The following ZC4H2 variants were observed in gnomAD, a reference collection of about 807,000 sequenced individuals.
ZC4H2 encodes the protein zinc finger C4H2 domain-containing protein.
For missense variants in ZC4H2, 137 were observed against 173.9 expected, an observed-to-expected ratio of 0.79 and a Z score of 1.19; for synonymous variants, 84 against 66.3, an observed-to-expected ratio of 1.27 and a Z score of -1.30.
chrX:64,954,190 A>T (rs1451610396), intron 1 of ZC4H2, among the ~76,000 whole-genome samples: 1 of 102,824 alleles, frequency 9.7e-6, no homozygotes, highest in Non-Finnish European at 2.0e-5. Flanking sequence ...AATTGGGGAG[A>T]TATAGCATTA....
intron 1 of ZC4H2, among the ~76,000 whole-genome samples, chrX:65,022,515 G>A (rs1184531712): frequency 8.9e-6 from 1 of 111,936 alleles, no homozygotes; most frequent in Non-Finnish European, 1.9e-5. Context: ...AGGTATTGAT[G>A]CAATGCATCT....
chrX:64,956,958 C>G (rs1569216036), intron 1 of ZC4H2, among the ~76,000 whole-genome samples: 1 of 112,211 alleles, frequency 8.9e-6, no homozygotes, highest in Non-Finnish European at 1.9e-5. Flanking sequence ...GTCAACATCT[C>G]AAAATTGAGA....
Position 64,936,440 on chromosome X carries a change from T to G in ZC4H2, c.54-14452A>C, listed in dbSNP as rs747542144. 2.7e-5 allele frequency among the ~76,000 whole-genome samples: 3 copies of G among 110,783 alleles called. No individual in the cohort carries two copies. The East Asian group carries it at 8.6e-4, about 32-fold the overall frequency. The stretch of plus-strand genomic sequence containing the variant: ...ACAGAGAACACCTCAAAGATACTCC[T>G]TGAGAAGAGCAACCCCAAGACATAT... On this transcript the variant is annotated intron_variant, in intron 1 of 4. Transcript: ENST00000374839.
intron 1 of ZC4H2, among the ~76,000 whole-genome samples, chrX:64,924,738 C>T (rs1218483913): frequency 2.7e-5 from 3 of 110,559 alleles, no homozygotes; most frequent in Non-Finnish European, 5.7e-5. Flanking sequence ...GAGTAATGGC[C>T]CCACAGAAGA....
intron 1 of ZC4H2, among the ~76,000 whole-genome samples, chrX:64,952,852 C>A (rs897488976): frequency 1.8e-5 from 2 of 111,040 alleles, no homozygotes; most frequent in South Asian, 3.9e-4. Context: ...AAAAAAGAGC[C>A]CTCATTGCCA....
In ZC4H2 at chrX:64,955,972, A is replaced by G. The variant is rs1169958321; in HGVS notation, c.53+20353T>C. ...ATTATGAGGAGGCCTTTACTCTTCT[A>G]GAGGACATCATTTGTTAGATCTTTC... On this transcript the variant is annotated intron_variant, in intron 1 of 4. Transcript: ENST00000374839. Among the ~76,000 whole-genome samples the G allele has an allele frequency of 3.6e-5, 4 of 111,865 alleles. 1 individual carries two copies. Among genetic ancestry groups the G allele is most frequent in the Non-Finnish European group, 7.5e-5 (4 of 53,177 alleles).
At chrX:64,958,453 C>T (rs752310487) in intron 1 of ZC4H2, among the ~76,000 whole-genome samples, 14 of 111,344 alleles carry the variant, frequency 1.3e-4, no homozygotes, top group African/African-American at 4.6e-4. Flanking sequence ...TTATATTGGC[C>T]AATTTCCAAA....
intron 1 of ZC4H2, among the ~76,000 whole-genome samples, chrX:64,989,341 C>T (rs1260570509): frequency 8.9e-6 from 1 of 111,901 alleles, no homozygotes; most frequent in African/African-American, 3.3e-5. Context: ...TTGATTCTTG[C>T]TATCCATGAG....
At chrX:64,930,718 C>T (rs1443828604) in intron 1 of ZC4H2, among the ~76,000 whole-genome samples, 2 of 111,878 alleles carry the variant, frequency 1.8e-5, no homozygotes, top group Non-Finnish European at 3.8e-5. Context: ...ATAAAACTGA[C>T]TTGATCATGG....
At chrX:64,924,212 TGC>T (rs766718445) in intron 1 of ZC4H2, among the ~76,000 whole-genome samples, 16 of 112,018 alleles carry the variant, frequency 1.4e-4, no homozygotes, top group Non-Finnish European at 2.8e-4. Context: ...AAAAGAAGCA[TGC>T]GCTTTAGACT....
intron 1 of ZC4H2, among the ~76,000 whole-genome samples, chrX:65,022,676 A>G (rs1932845820): frequency 8.9e-6 from 1 of 112,077 alleles, no homozygotes; most frequent in African/African-American, 3.2e-5. Context: ...AAGCCAAATC[A>G]TGAGTGAACT....
intron 1 of ZC4H2, 54 bp from the exon 2 acceptor site, chrX:64,922,042 A>C (rs1929220595): frequency 1.7e-6 from 2 of 1,187,548 alleles, no homozygotes. Context: ...AGAAAATAGA[A>C]ATGGAGCCAG....
At chrX:65,013,366 C>T (rs1602454898) in intron 1 of ZC4H2, among the ~76,000 whole-genome samples, 2 of 111,678 alleles carry the variant, frequency 1.8e-5, no homozygotes, top group Admixed American at 1.9e-4. Context: ...TGTGTAATCC[C>T]CTCCTATTAG....
intron 1 of ZC4H2, among the ~76,000 whole-genome samples, chrX:64,953,392 G>A (rs971018142): frequency 3.6e-5 from 4 of 111,813 alleles, no homozygotes; most frequent in Non-Finnish European, 5.6e-5. Flanking sequence ...GCAACCTACA[G>A]AATGGGAGAA....
intron 1 of ZC4H2, among the ~76,000 whole-genome samples, chrX:64,965,738 C>A (rs1931566008): frequency 9.1e-6 from 1 of 109,710 alleles, no homozygotes. Context: ...GAGTTCAAGA[C>A]CACCCTGGGT....
intron 1 of ZC4H2, among the ~76,000 whole-genome samples, chrX:64,972,155 A>C (rs1931802899): frequency 1.8e-5 from 2 of 111,602 alleles, no homozygotes; most frequent in Non-Finnish European, 3.8e-5. Flanking sequence ...ACATGGGCAA[A>C]ATAGATTAGT....
At chrX:64,944,141 CTTTTTTT>C (rs746540220) in intron 1 of ZC4H2, among the ~76,000 whole-genome samples, 10 of 89,147 alleles carry the variant, frequency 1.1e-4, no homozygotes, top group South Asian at 9.4e-4. Context: ...TTTCTTTTTT[CTTTTTTT>C]TTTTTTTTTT....
chrX:64,918,812 G>A, intron 4 of ZC4H2: 1 of 309,417 alleles, frequency 3.2e-6, no homozygotes, highest in Non-Finnish European at 5.6e-6. Flanking sequence ...CTCTAGCAGG[G>A]CCTGAAAATC....
At chrX:64,968,947 G>A (rs1931684324) in intron 1 of ZC4H2, among the ~76,000 whole-genome samples, 1 of 111,789 alleles carries the variant, frequency 8.9e-6, no homozygotes, top group South Asian at 3.8e-4. Flanking sequence ...CCTTGTTGCT[G>A]CATTTTCAAG....
Sources: gnomAD v4.1 joint callset for allele counts (sites outside exome capture counted in the v4.1 genomes callset) on GRCh38, gnomAD v4.1.1 for gene constraint, MANE v1.5 for transcripts, NCBI Gene and HGNC (gene_info 2026-07-23, HGNC 2026-07-21) for gene names.